Variants in IL1RAPL1 observed in about 807,000 individuals in gnomAD.
IL1RAPL1 encodes interleukin-1 receptor accessory protein-like 1.
A neutral mutation model predicts 48.4 loss-of-function variants in IL1RAPL1; 3 were observed. The observed-to-expected ratio is 0.06, with a 90% CI of 0.03 to 0.16. The LOEUF (loss-of-function observed/expected upper bound fraction) is 0.16. Among genes scored for constraint, IL1RAPL1 ranks in the 10% least tolerant of loss-of-function variants. The pLI, the probability that IL1RAPL1 is intolerant of heterozygous loss-of-function variation, is 1.00. For synonymous variants in IL1RAPL1, 185 were observed against 187.7 expected (o/e 0.99, Z 0.12); for missense variants, 349 against 530.6 (o/e 0.66, Z 3.36).
At chrX:29,745,064 A>G (rs7876711) in intron 6 of IL1RAPL1, among the ~76,000 whole-genome samples, 3,154 of 111,966 alleles carry the variant, frequency 0.028, 107 homozygotes, top group African/African-American at 0.097. Flanking sequence ...CATATGAAGG[A>G]GACTAAATAG....
At chrX:28,747,407 G>A (rs1601885473) in intron 1 of IL1RAPL1, among the ~76,000 whole-genome samples, 1 of 110,945 alleles carries the variant, frequency 9.0e-6, no homozygotes, top group African/African-American at 3.3e-5. Context: ...AGGCTGAGGC[G>A]GGCGGATCAC....
chrX:29,465,093 A>T (rs1934847180), intron 5 of IL1RAPL1, among the ~76,000 whole-genome samples: 2 of 112,037 alleles, frequency 1.8e-5, no homozygotes, highest in South Asian at 7.4e-4. Flanking sequence ...AATTCAATTT[A>T]ATTTAATGCA....
rs1931181984 is a variant in IL1RAPL1, at chrX:29,230,528, A to ACAAAAAC, written c.83-52410_83-52409insCAAAAAC. The stretch of plus-strand genomic sequence containing the variant: ...CCAAAAAAAAAAAAAAAAAAAAAAA[A>ACAAAAAC]AAAAAAACCTTGTTGTCTCTCAGGC... On this transcript the variant is annotated intron_variant, in intron 2 of 10. Coordinates refer to ENST00000378993, the MANE Select transcript of IL1RAPL1 (RefSeq NM_014271.4). Among the ~76,000 whole-genome samples, 4 of 99,108 alleles carry ACAAAAAC rather than the reference A, an allele frequency of 4.0e-5. 1 individual carries two copies. Among genetic ancestry groups the ACAAAAAC allele is most frequent in the African/African-American group, 1.5e-4 (4 of 27,134 alleles). 86.1% of individuals were successfully genotyped at this position (99,108 alleles called of 115,157 possible).
chrX:29,568,807 A>G (rs1220124732), intron 5 of IL1RAPL1, among the ~76,000 whole-genome samples: 1 of 111,581 alleles, frequency 9.0e-6, no homozygotes, highest in Non-Finnish European at 1.9e-5. Flanking sequence ...TTTTCTGGTC[A>G]TTCATTACCA....
At chrX:29,569,800 T>A (rs1027827617) in intron 5 of IL1RAPL1, among the ~76,000 whole-genome samples, 33 of 112,315 alleles carry the variant, frequency 2.9e-4, no homozygotes, top group African/African-American at 9.4e-4. Context: ...AAGCTTTGCT[T>A]AATTAATATA....
In IL1RAPL1 at chrX:29,335,234, G is replaced by A. The variant is rs776309280; in HGVS notation, c.362+52017G>A. On this transcript the variant is annotated intron_variant, in intron 3 of 10. Coordinates refer to ENST00000378993, the MANE Select transcript of IL1RAPL1 (RefSeq NM_014271.4). ...AGCAGTACCGTCCAGCTTTGGCTCG[G>A]CATCAGAGGGAGACCGTGGAGGGAG... is the stretch of plus-strand genomic sequence containing the variant. Among the ~76,000 whole-genome samples the A allele has an allele frequency of 8.7e-4, 74 of 84,608 alleles. 1 individual carries two copies. The highest frequency in any genetic ancestry group is 3.1e-3 in the African/African-American group (72 of 23,016). The allele number at this position is 84,608 out of a possible 115,157, so 73.5% of individuals were successfully genotyped here.
intron 2 of IL1RAPL1, among the ~76,000 whole-genome samples, chrX:29,219,760 C>T (rs898767351): frequency 9.0e-6 from 1 of 111,226 alleles, no homozygotes; most frequent in South Asian, 3.8e-4. Context: ...AATTCATTAT[C>T]TTATCATGAG....
chrX:29,488,133 T>C (rs1439810816), intron 5 of IL1RAPL1, among the ~76,000 whole-genome samples: 1 of 112,249 alleles, frequency 8.9e-6, no homozygotes, highest in Non-Finnish European at 1.9e-5. Context: ...TACTGATACA[T>C]GCACACATAG....
chrX:29,635,794 G>A lies in IL1RAPL1; in HGVS notation c.704-32636G>A, dbSNP rs746522984. Reference sequence around the variant, plus strand: ...GTTAAATATGTAAATGGATGCTTCCGGAAAAAAAAAAAAACCCAAAAACTA... The same window carrying A: ...GTTAAATATGTAAATGGATGCTTCCAGAAAAAAAAAAAAACCCAAAAACTA... On this transcript the variant is annotated intron_variant, in intron 5 of 10. Transcript: ENST00000378993. 6.9e-5 allele frequency among the ~76,000 whole-genome samples: 7 copies of A among 101,629 alleles called. No homozygotes were observed. The South Asian group carries it at 3.1e-3, about 45-fold the overall frequency. 88.3% of individuals were successfully genotyped at this position (101,629 alleles called of 115,157 possible). A position where few individuals can be genotyped will look rare whatever the true frequency, so the allele number is the denominator to read the frequency against.
chrX:28,856,691 A>G (rs951081517), intron 2 of IL1RAPL1, among the ~76,000 whole-genome samples: 1 of 111,301 alleles, frequency 9.0e-6, no homozygotes, highest in Admixed American at 9.6e-5. Flanking sequence ...AACCATGCCC[A>G]CATAGGAACT....
chrX:29,154,016 A>C (rs1380797358), intron 2 of IL1RAPL1, among the ~76,000 whole-genome samples: 1 of 112,172 alleles, frequency 8.9e-6, no homozygotes, highest in Non-Finnish European at 1.9e-5. Context: ...TGCTATCAAC[A>C]GAAAGAGCCG....
At chrX:29,385,250 T>C (rs1458499618) in intron 3 of IL1RAPL1, among the ~76,000 whole-genome samples, 1 of 110,140 alleles carries the variant, frequency 9.1e-6, no homozygotes, top group Non-Finnish European at 1.9e-5. Context: ...AGGTCGGGAG[T>C]TCAAGACCAG....
At chrX:29,513,440 C>T (rs1179419479) in intron 5 of IL1RAPL1, among the ~76,000 whole-genome samples, 1 of 111,523 alleles carries the variant, frequency 9.0e-6, no homozygotes, top group Non-Finnish European at 1.9e-5. Flanking sequence ...AACCAATCTC[C>T]AATTGATGGG....
rs1429419312 is a variant in IL1RAPL1, at chrX:29,751,309, TA to T, written c.778+82808del. Among the ~76,000 whole-genome samples the T allele has an allele frequency of 7.2e-5, 8 of 111,547 alleles. No homozygotes were observed. The Admixed American group carries it at 7.7e-4, about 11-fold the overall frequency. On this transcript the variant is annotated intron_variant, in intron 6 of 10. Transcript: ENST00000378993. ...TTCAGTCTACAGTGGAGACAGCCAT[TA>T]AATAAATTATCATGTACTAACCAAA... is the stretch of plus-strand genomic sequence containing the variant.
intron 5 of IL1RAPL1, among the ~76,000 whole-genome samples, chrX:29,445,689 T>C (rs1404897722): frequency 8.9e-6 from 1 of 112,215 alleles, no homozygotes; most frequent in Non-Finnish European, 1.9e-5. Flanking sequence ...TATATGGCTG[T>C]ATTTAAGTTT....
At chrX:29,338,326 A>G (rs980305058) in intron 3 of IL1RAPL1, among the ~76,000 whole-genome samples, 3 of 111,888 alleles carry the variant, frequency 2.7e-5, no homozygotes, top group African/African-American at 9.8e-5. Context: ...AGAATGCTCT[A>G]TTTATAATGA....
intron 2 of IL1RAPL1, among the ~76,000 whole-genome samples, chrX:29,203,154 G>T (rs1043900722): frequency 9.0e-6 from 1 of 111,398 alleles, no homozygotes; most frequent in Non-Finnish European, 1.9e-5. Flanking sequence ...ACTGGGGAAG[G>T]AGGGAAATTT....
chrX:29,078,043 C>T (rs1380952771), intron 2 of IL1RAPL1, among the ~76,000 whole-genome samples: 2 of 111,898 alleles, frequency 1.8e-5, no homozygotes, highest in African/African-American at 3.2e-5. Flanking sequence ...TTTGGGAGGC[C>T]GAGGCAGGCG....
chrX:28,945,927 A>G lies in IL1RAPL1; in HGVS notation c.82+156502A>G, dbSNP rs766826873. ...TATGTGTGTGTGTGTGTGTGTGTGT[A>G]TACACTCAATTAACTATTTTCAAAT... On this transcript the variant is annotated intron_variant, in intron 2 of 10. Coordinates refer to ENST00000378993, the MANE Select transcript of IL1RAPL1 (RefSeq NM_014271.4). Among the ~76,000 whole-genome samples the G allele has an allele frequency of 1.9e-3, 177 of 91,609 alleles. 1 individual carries two copies. Among genetic ancestry groups the G allele is most frequent in the Middle Eastern group, 0.011 (2 of 179 alleles). 79.6% of individuals were successfully genotyped at this position (91,609 alleles called of 115,157 possible).
Sources: allele counts gnomAD v4.1 joint callset (sites outside exome capture counted in the v4.1 genomes callset), GRCh38; gene constraint gnomAD v4.1.1; transcripts MANE v1.5; gene names NCBI Gene and HGNC (gene_info 2026-07-23, HGNC 2026-07-21).